The following POC5 variants were observed in gnomAD, a reference collection of about 807,000 sequenced individuals.
POC5 encodes centrosomal protein POC5.
Under a neutral mutation model 62.9 loss-of-function variants are expected in POC5, and 48 were observed. The observed-to-expected ratio is 0.76, with a 90% CI of 0.61 to 0.97. POC5 has a LOEUF of 0.97. Ranked by LOEUF, POC5 falls within the 50% of genes least tolerant of loss-of-function variation. The probability of loss-of-function intolerance (pLI) is 0.00; values close to 1 mark genes in which losing one functional copy is unlikely to be tolerated. For missense variants in POC5, 696 were observed against 679.5 expected, an observed-to-expected ratio of 1.02 and a Z score of -0.27; for synonymous variants, 236 against 228.2, an observed-to-expected ratio of 1.03 and a Z score of -0.31.
In POC5 at chr5:75,712,571, T is replaced by C. The variant is rs1367757977; in HGVS notation, c.84+283A>G. ...GAGAGGTAGCTAAAATGAAAAAAAT[T>C]TAAACAAAAAAATGTTTCTTGAACA... On this transcript the variant is annotated intron_variant, in intron 2 of 11. Transcript: ENST00000428202. 3.0e-6 allele frequency: 3 copies of C among 1,003,584 alleles called. No homozygotes were observed. In the African/African-American group the frequency reaches 4.9e-5, roughly 17 times the overall value. The allele number at this position is 1,003,584 out of a possible 1,614,324, so 62.2% of individuals were successfully genotyped here. A position where few individuals can be genotyped will look rare whatever the true frequency, so the allele number is the denominator to read the frequency against.
At chr5:75,699,061 T>C (rs575588700) in intron 5 of POC5, among the ~76,000 whole-genome samples, 1 of 152,164 alleles carries the variant, frequency 6.6e-6, no homozygotes, top group Non-Finnish European at 1.5e-5. Context: ...GGAGCTGATA[T>C]TGTGGCAATA....
chr5:75,682,020 T>G (rs166183), intron 10 of POC5, among the ~76,000 whole-genome samples: 1 of 151,702 alleles, frequency 6.6e-6, no homozygotes, highest in East Asian at 1.9e-4. Flanking sequence ...TACTTAGAGA[T>G]AGATTTAATT....
At chr5:75,690,304 G>A (rs1359236827) in intron 8 of POC5, 79 bp downstream of exon 8, 13 of 1,267,712 alleles carry the variant, frequency 1.0e-5, no homozygotes, top group Non-Finnish European at 1.3e-5. Context: ...ACCAAAAGAA[G>A]AAGTCTATTA....
intron 4 of POC5, chr5:75,705,103 C>A (rs112724788): frequency 6.6e-4 from 100 of 152,178 alleles, no homozygotes; most frequent in Non-Finnish European, 1.1e-3. Context: ...GGGGAGGGGG[C>A]GCTGAGGCAG....
At chr5:75,700,856 C>T (rs973911726) in intron 5 of POC5, among the ~76,000 whole-genome samples, 9 of 139,182 alleles carry the variant, frequency 6.5e-5, no homozygotes, top group African/African-American at 2.0e-4. Flanking sequence ...CTACAATGAA[C>T]TCAAACAAAT....
chr5:75,685,565 G>T, intron 9 of POC5, 81 bp from the exon 10 acceptor site: 1 of 1,439,780 alleles, frequency 6.9e-7, no homozygotes, highest in South Asian at 1.3e-5. Flanking sequence ...AACACATACT[G>T]GCTAAAGTTT....
chr5:75,700,779 G>A (rs1264264390), intron 5 of POC5, among the ~76,000 whole-genome samples: 1 of 139,182 alleles, frequency 7.2e-6, no homozygotes, highest in East Asian at 2.0e-4. Context: ...AGAGTGAACA[G>A]GCAACCTACA....
At chr5:75,680,710 A>G (rs992833661) in intron 10 of POC5, among the ~76,000 whole-genome samples, 2 of 152,180 alleles carry the variant, frequency 1.3e-5, no homozygotes, top group African/African-American at 4.8e-5. Flanking sequence ...GGAGGAAAGA[A>G]AAACCTAGAA....
At chr5:75,684,747 A>G (rs10515213) in intron 10 of POC5, among the ~76,000 whole-genome samples, 25,641 of 152,118 alleles carry the variant, frequency 0.17, 2,377 homozygotes, top group South Asian at 0.21. Context: ...TTTCATTACA[A>G]TTTAATGCTC....
At chr5:75,685,569 A>G in intron 9 of POC5, 85 bp from the exon 10 acceptor site, 1 of 1,418,724 alleles carries the variant, frequency 7.0e-7, no homozygotes, top group Non-Finnish European at 9.6e-7. Flanking sequence ...CATACTGGCT[A>G]AAGTTTGGTC....
intron 1 of POC5, among the ~76,000 whole-genome samples, chr5:75,716,387 G>GC (rs1356575387): frequency 4.4e-4 from 34 of 77,074 alleles, no homozygotes; most frequent in Non-Finnish European, 7.1e-4. Flanking sequence ...CAGGGGTGGG[G>GC]GGGGGGGGGT....
chr5:75,706,001 T>C (rs1055448698), intron 3 of POC5, among the ~76,000 whole-genome samples: 1 of 152,224 alleles, frequency 6.6e-6, no homozygotes, highest in African/African-American at 2.4e-5. Flanking sequence ...CTCCAACTTA[T>C]GCACCAAATA....
Position 75,702,773 on chromosome 5 carries a change from G to A in POC5, c.345C>T (p.His115=), listed in dbSNP as rs35130836. ...GTGAACTGAAAAAATCCATGACTGG[G>A]TGAGAAGGCTTCCTTGGCGATAACA... The part of the protein sequence containing the change: ...SPVLSPRKPS[H]PVMDFFSSHL... The change falls in exon 5 of 12, where the codon CAC becomes CAT. Residue 115 remains histidine, a synonymous_variant. Coordinates refer to ENST00000428202, the MANE Select transcript of POC5 (RefSeq NM_001099271.2). The A allele has an allele frequency of 0.074, 117,152 of 1,590,742 alleles. 4,736 individuals carry two copies. Among genetic ancestry groups the A allele is most frequent in the South Asian group, 0.13 (11,025 of 87,418 alleles).
chr5:75,712,842 AT>A lies in POC5; in HGVS notation c.84+11del, dbSNP rs756705838. On this transcript the variant is annotated intron_variant, in intron 2 of 11. Coordinates refer to ENST00000428202, the MANE Select transcript of POC5 (RefSeq NM_001099271.2). ...AAAAAAAGTCATGGTAAATTTAGAA[AT>A]TTTTTCCTACCTGAAGATTCGAAGA... 1.3e-4 allele frequency: 213 copies of A among 1,584,368 alleles called. No homozygotes were observed. Among genetic ancestry groups the A allele is most frequent in the Non-Finnish European group, 1.7e-4 (200 of 1,165,518 alleles).
At chr5:75,689,337 C>T in intron 8 of POC5, 172 bp from the exon 9 acceptor site, 1 of 985,040 alleles carries the variant, frequency 1.0e-6, no homozygotes, top group Non-Finnish European at 1.2e-6. Flanking sequence ...CCTCTATTAT[C>T]TCCATCAACA....
intron 5 of POC5, among the ~76,000 whole-genome samples, chr5:75,698,826 C>A (rs890373970): frequency 1.3e-5 from 2 of 151,904 alleles, no homozygotes; most frequent in African/African-American, 2.4e-5. Flanking sequence ...GCTAGCAAGA[C>A]TAATAAAGAA....
chr5:75,709,162 C>T, intron 2 of POC5, among the ~76,000 whole-genome samples: 1 of 152,122 alleles, frequency 6.6e-6, no homozygotes, highest in East Asian at 1.9e-4. Context: ...TACTTACACG[C>T]AGTAAACATT....
intron 11 of POC5, 118 bp downstream of exon 11, chr5:75,677,656 G>T: frequency 8.7e-6 from 6 of 690,198 alleles, no homozygotes; most frequent in Non-Finnish European, 1.0e-5. Context: ...GGAAAAGGCA[G>T]AACAAGTACC....
intron 5 of POC5, among the ~76,000 whole-genome samples, chr5:75,699,302 T>C (rs1003884251): frequency 3.9e-4 from 59 of 151,908 alleles, no homozygotes; most frequent in African/African-American, 1.4e-3. Flanking sequence ...TGATGAACAT[T>C]GATGCAAAAA....
Sources: gnomAD v4.1 joint callset for allele counts (sites outside exome capture counted in the v4.1 genomes callset) on GRCh38, gnomAD v4.1.1 for gene constraint, MANE v1.5 for transcripts, NCBI Gene and HGNC (gene_info 2026-07-23, HGNC 2026-07-21) for gene names.